Variants in MALRD1 observed in about 807,000 individuals in gnomAD.
MALRD1 encodes MAM and LDL-receptor class A domain-containing protein 1.
In MALRD1, 247 loss-of-function variants were observed where a neutral mutation model predicts 242.1. That is an observed-to-expected ratio of 1.02 (90% CI 0.92 to 1.13). The LOEUF (loss-of-function observed/expected upper bound fraction) is 1.13, where lower values mean the gene tolerates loss of function less well. MALRD1 is among the 50% of genes most tolerant of loss of function. The pLI, the probability that MALRD1 is intolerant of heterozygous loss-of-function variation, is 0.00. For synonymous variants in MALRD1, 995 were observed against 866.6 expected (o/e 1.15, Z -2.60); for missense variants, 2,989 against 2,533.1 (o/e 1.18, Z -3.86).
At chr10:19,056,444 T>G (rs1280498539) in intron 1 of MALRD1, among the ~76,000 whole-genome samples, 1 of 152,120 alleles carries the variant, frequency 6.6e-6, no homozygotes, top group Non-Finnish European at 1.5e-5. Context: ...ATACTTTATG[T>G]GTTGCTATTG....
chr10:19,404,670 G>A (rs904713246), intron 28 of MALRD1, among the ~76,000 whole-genome samples: 1 of 151,906 alleles, frequency 6.6e-6, no homozygotes, highest in Admixed American at 6.6e-5. Flanking sequence ...CTAGACCTCT[G>A]GGGAAGTGAT....
intron 32 of MALRD1, among the ~76,000 whole-genome samples, chr10:19,535,700 T>C (rs1564422332): frequency 6.6e-6 from 1 of 152,060 alleles, no homozygotes; most frequent in Non-Finnish European, 1.5e-5. Flanking sequence ...CTTACGTATT[T>C]TATAATTTTT....
At chr10:19,534,996 C>G (rs1834595201) in intron 32 of MALRD1, among the ~76,000 whole-genome samples, 1 of 152,122 alleles carries the variant, frequency 6.6e-6, no homozygotes, top group African/African-American at 2.4e-5. Context: ...AGCGATTCTC[C>G]TGCCTCAGCT....
intron 21 of MALRD1, among the ~76,000 whole-genome samples, chr10:19,323,300 G>A (rs1395941293): frequency 1.3e-5 from 2 of 152,012 alleles, no homozygotes; most frequent in Non-Finnish European, 2.9e-5. Context: ...AAGGCAATCA[G>A]TGCTTTAGGG....
At chr10:19,248,591 A>G (rs1342094133) in intron 18 of MALRD1, among the ~76,000 whole-genome samples, 1 of 151,986 alleles carries the variant, frequency 6.6e-6, no homozygotes, top group Non-Finnish European at 1.5e-5. Flanking sequence ...TCAGTCAAAA[A>G]AAGCAAGAAG....
chr10:19,718,744 G>C (rs1255376648), intron 38 of MALRD1, among the ~76,000 whole-genome samples: 2 of 152,072 alleles, frequency 1.3e-5, no homozygotes, highest in East Asian at 3.9e-4. Context: ...CCTATTATTA[G>C]ACATTGAGCT....
At chr10:19,609,367 T>A (rs1838781401) in intron 35 of MALRD1, among the ~76,000 whole-genome samples, 1 of 152,108 alleles carries the variant, frequency 6.6e-6, no homozygotes, top group African/African-American at 2.4e-5. Context: ...GTATGCTTTT[T>A]GGCTTGTCAA....
At chr10:19,704,264 T>C (rs2131853913) in intron 38 of MALRD1, among the ~76,000 whole-genome samples, 1 of 152,266 alleles carries the variant, frequency 6.6e-6, no homozygotes, top group South Asian at 2.1e-4. Context: ...TACCATAAAC[T>C]CGGTGGTATA....
intron 34 of MALRD1, among the ~76,000 whole-genome samples, chr10:19,599,283 C>T (rs1465660733): frequency 2.0e-5 from 3 of 151,996 alleles, no homozygotes; most frequent in African/African-American, 4.8e-5. Flanking sequence ...TTTATTTTTG[C>T]AGAAATAATT....
Position 19,595,395 on chromosome 10 carries a change from C to G in MALRD1, c.5882C>G (p.Pro1961Arg). ...CCGTGCTCTACAGACGAGTGTATACCTTCCCTCCTGCTATGCGATGGAGTG... is the reference window on the plus strand; with the variant it reads ...CCGTGCTCTACAGACGAGTGTATACGTTCCCTCCTGCTATGCGATGGAGTG... ...EFPCSTDECI[P>R]SLLLCDGVPD... Residue 1961 changes from proline to arginine, a missense_variant, in exon 34 of 40, where the codon CCT (proline) becomes CGT (arginine). Physicochemically the swap from Pro to Arg is moderately radical, Grantham distance 103. Transcript: ENST00000454679. 6.4e-7 allele frequency: 1 copy of G among 1,550,524 alleles called. No individual in the cohort carries two copies. The highest frequency in any genetic ancestry group is 1.7e-4 in the Middle Eastern group (1 of 5,992).
chr10:19,545,366 T>C (rs1231007638), intron 32 of MALRD1, among the ~76,000 whole-genome samples: 1 of 152,242 alleles, frequency 6.6e-6, no homozygotes, highest in African/African-American at 2.4e-5. Context: ...TTTGCTCATA[T>C]GCATTTCAGA....
At chr10:19,621,683 T>G (rs1839408740) in intron 36 of MALRD1, among the ~76,000 whole-genome samples, 3 of 151,682 alleles carry the variant, frequency 2.0e-5, no homozygotes, top group African/African-American at 7.2e-5. Context: ...AAGTAAACTT[T>G]TTTCAAAAAA....
intron 28 of MALRD1, among the ~76,000 whole-genome samples, chr10:19,419,091 C>T (rs1254281842): frequency 1.3e-5 from 2 of 152,280 alleles, no homozygotes; most frequent in South Asian, 2.1e-4. Flanking sequence ...AGCTAACCGC[C>T]TTCCTTTCCA....
intron 19 of MALRD1, among the ~76,000 whole-genome samples, chr10:19,269,423 T>A (rs1840103503): frequency 6.6e-6 from 1 of 152,244 alleles, no homozygotes; most frequent in Non-Finnish European, 1.5e-5. Flanking sequence ...AGTGTGATAC[T>A]TTAGAAAATA....
At chr10:19,303,262 A>G (rs1432226193) in intron 21 of MALRD1, among the ~76,000 whole-genome samples, 1 of 151,766 alleles carries the variant, frequency 6.6e-6, no homozygotes, top group Non-Finnish European at 1.5e-5. Flanking sequence ...CTGAGAAAAT[A>G]GACATTAGGT....
chr10:19,062,742 G>C (rs1241379475), intron 1 of MALRD1, among the ~76,000 whole-genome samples: 1 of 152,134 alleles, frequency 6.6e-6, no homozygotes, highest in African/African-American at 2.4e-5. Flanking sequence ...GGGAGAAATG[G>C]AAAGGTGGTG....
chr10:19,559,833 G>A (rs773050029), intron 32 of MALRD1, among the ~76,000 whole-genome samples: 1 of 152,132 alleles, frequency 6.6e-6, no homozygotes, highest in Non-Finnish European at 1.5e-5. Context: ...GACAAAGGAT[G>A]TGAACAGACA....
At chr10:19,562,287 G>A (rs1836003366) in intron 32 of MALRD1, among the ~76,000 whole-genome samples, 1 of 141,110 alleles carries the variant, frequency 7.1e-6, no homozygotes, top group Admixed American at 7.3e-5. Context: ...AGAGCGAGAT[G>A]CTGTCTTAGG....
At chr10:19,414,194 A>G (rs917673401) in intron 28 of MALRD1, among the ~76,000 whole-genome samples, 2 of 152,264 alleles carry the variant, frequency 1.3e-5, no homozygotes, top group South Asian at 2.1e-4. Context: ...TAATTCCTAC[A>G]TATTTTCCAG....
Sources: gnomAD v4.1 joint callset for allele counts (sites outside exome capture counted in the v4.1 genomes callset) on GRCh38, gnomAD v4.1.1 for gene constraint, MANE v1.5 for transcripts, NCBI Gene and HGNC (gene_info 2026-07-23, HGNC 2026-07-21) for gene names.